Variants in SLC45A4 observed in about 807,000 individuals in gnomAD.
SLC45A4 encodes solute carrier family 45 member 4.
SLC45A4 carries 32 observed loss-of-function variants against 63.7 expected under a neutral mutation model. The ratio of observed to expected loss-of-function variants is 0.50; its 90% confidence interval spans 0.38 to 0.67. SLC45A4 has a LOEUF of 0.67. Among genes scored for constraint, SLC45A4 ranks in the 30% least tolerant of loss-of-function variants. SLC45A4 has a pLI of 0.00. For missense variants in SLC45A4, 1,027 were observed against 1,157.7 expected, an observed-to-expected ratio of 0.89 and a Z score of 1.64; for synonymous variants, 535 against 510.0, an observed-to-expected ratio of 1.05 and a Z score of -0.66.
rs1196248260 is a variant in SLC45A4 at position 141,218,375 on chromosome 8, T to A, written c.1265A>T (p.Gln422Leu). Residue 422 changes from glutamine (Q) to leucine (L), a missense_variant, in exon 5 of 9, where the codon CAG becomes CTG. Physicochemically the swap from Gln to Leu is moderately radical, Grantham distance 113 (BLOSUM62 -2). Coordinates refer to ENST00000517878, the MANE Select transcript of SLC45A4 (RefSeq NM_001286646.2). Reference protein sequence around the residue: ...MRRRRHAFRRQASSTFSYYGK... With the variant: ...MRRRRHAFRRLASSTFSYYGK... ...GTAGTAGGAGAAGGTGCTGGAGGCC[T>A]GCCTGCGGAACGCGTGCCGCCGCCG... The A allele has an allele frequency of 6.2e-7, 1 of 1,608,286 alleles. No individual in the cohort carries two copies. The highest frequency in any genetic ancestry group is 2.2e-5 in the East Asian group (1 of 44,858).
intron 2 of SLC45A4, among the ~76,000 whole-genome samples, chr8:141,241,461 G>A (rs1827911989): frequency 6.6e-6 from 1 of 152,214 alleles, no homozygotes; most frequent in African/African-American, 2.4e-5. Context: ...CTCGCTGTCT[G>A]CCCTATGGTA....
intron 2 of SLC45A4, among the ~76,000 whole-genome samples, chr8:141,248,900 C>T (rs996715538): frequency 4.6e-5 from 7 of 151,704 alleles, no homozygotes; most frequent in Non-Finnish European, 7.4e-5. Flanking sequence ...ACCTGTAGTC[C>T]CAGCTACCTG....
chr8:141,245,638 C>T lies in SLC45A4; in HGVS notation c.241+8351G>A, dbSNP rs143044568. ...TGATGGCAGACAACTCCCAACCTGC[C>T]GCTCAGAGGAGGCTGGACTCTTAGA... On this transcript the variant is annotated intron_variant, in intron 2 of 8. Transcript: ENST00000517878. Among the ~76,000 whole-genome samples, 10 of 152,262 alleles carry T rather than the reference C, an allele frequency of 6.6e-5. No individual in the cohort carries two copies. In the East Asian group the frequency reaches 1.4e-3, roughly 21 times the overall value.
At chr8:141,231,481 C>CT (rs1827346452) in intron 2 of SLC45A4, among the ~76,000 whole-genome samples, 1 of 152,236 alleles carries the variant, frequency 6.6e-6, no homozygotes, top group Non-Finnish European at 1.5e-5. Context: ...GAAGAGGGCA[C>CT]ATTAGGAGGG....
intron 2 of SLC45A4, chr8:141,224,254 T>C (rs1264277298): frequency 6.6e-6 from 1 of 152,202 alleles, no homozygotes; most frequent in Non-Finnish European, 1.5e-5. Context: ...GATCCTTTTT[T>C]CTCTGGCTGC....
intron 2 of SLC45A4, among the ~76,000 whole-genome samples, chr8:141,242,478 C>T (rs983165243): frequency 5.9e-5 from 9 of 152,136 alleles, no homozygotes; most frequent in African/African-American, 1.9e-4. Context: ...TGATTAGAAA[C>T]GCGGGCTCCA....
intron 1 of SLC45A4, among the ~76,000 whole-genome samples, chr8:141,271,823 C>T (rs1001837008): frequency 1.3e-5 from 2 of 151,402 alleles, no homozygotes; most frequent in South Asian, 2.1e-4. Flanking sequence ...ACACACACCA[C>T]GTGTGCATGC....
In SLC45A4 at chr8:141,276,942, C is replaced by T. The variant is rs151079891; in HGVS notation, c.-400-22313G>A. 3.8e-3 allele frequency among the ~76,000 whole-genome samples: 578 copies of T among 152,320 alleles called. 8 individuals carry two copies. Among genetic ancestry groups the T allele is most frequent in the African/African-American group, 0.013 (552 of 41,576 alleles). Reference sequence around the variant, plus strand: ...CTCATTAATTCCTAGGTGCTGACGTCCCCCCGGCCTAAGCACTGCCCTCCA... The same window carrying T: ...CTCATTAATTCCTAGGTGCTGACGTTCCCCCGGCCTAAGCACTGCCCTCCA... On this transcript the variant is annotated intron_variant, in intron 1 of 8. Coordinates refer to ENST00000517878, the MANE Select transcript of SLC45A4 (RefSeq NM_001286646.2).
Position 141,218,222 on chromosome 8 carries a change from T to C in SLC45A4, c.1418A>G (p.Gln473Arg). 1.2e-6 allele frequency: 2 copies of C among 1,602,252 alleles called. No individual in the cohort carries two copies. Among genetic ancestry groups the C allele is most frequent in the South Asian group, 2.2e-5 (2 of 91,054 alleles). Residue 473 changes from glutamine (Q) to arginine (R), a missense_variant, in exon 5 of 9, where the codon CAG (glutamine) becomes CGG (arginine). Coordinates refer to ENST00000517878, the MANE Select transcript of SLC45A4 (RefSeq NM_001286646.2). ...KRQRQHRHRN[Q>R]SGATTSSGDT... is the part of the protein sequence containing the mutation. The stretch of plus-strand genomic sequence containing the variant: ...CCCGCTGGAGGTGGTGGCCCCGCTC[T>C]GGTTCCGGTGCCGGTGCTGCCGCTG...
chr8:141,244,609 T>G (rs1828077787), intron 2 of SLC45A4, among the ~76,000 whole-genome samples: 1 of 152,010 alleles, frequency 6.6e-6, no homozygotes, highest in Non-Finnish European at 1.5e-5. Context: ...TGGAGTGCGT[T>G]GAGTGGGAGC....
intron 1 of SLC45A4, among the ~76,000 whole-genome samples, chr8:141,266,849 C>A (rs879504671): frequency 1.3e-5 from 2 of 152,182 alleles, no homozygotes; most frequent in Non-Finnish European, 2.9e-5. Flanking sequence ...CAAGAGGGCC[C>A]AGATGTTGAA....
chr8:141,303,905 A>G (rs1025143662), intron 1 of SLC45A4, among the ~76,000 whole-genome samples: 5 of 152,208 alleles, frequency 3.3e-5, no homozygotes, highest in African/African-American at 9.7e-5. Context: ...GCCAAGCTCA[A>G]TGACTTGAAA....
chr8:141,238,596 T>C (rs1827744748), intron 2 of SLC45A4, among the ~76,000 whole-genome samples: 1 of 152,148 alleles, frequency 6.6e-6, no homozygotes, highest in Admixed American at 6.5e-5. Flanking sequence ...GCTGTGGCCA[T>C]TCACAGTCTT....
At position 141,211,251 on chromosome 8, in the gene SLC45A4, G is replaced by C; in HGVS notation, c.*321C>G. ...TGAAAGTCAACGTTTCCTTCCCCCT[G>C]ACGTTGGGAGCGGTCTGGAGGGGCA... On this transcript the variant is annotated 3_prime_UTR_variant, in exon 9 of 9. Coordinates refer to ENST00000517878, the MANE Select transcript of SLC45A4 (RefSeq NM_001286646.2). 1 of 464,820 alleles carries C rather than the reference G, an allele frequency of 2.2e-6. No homozygotes were observed. Among genetic ancestry groups the C allele is most frequent in the Non-Finnish European group, 3.8e-6 (1 of 266,426 alleles). 28.8% of individuals were successfully genotyped at this position (464,820 alleles called of 1,614,324 possible).
chr8:141,267,430 G>A (rs1441884099), intron 1 of SLC45A4, among the ~76,000 whole-genome samples: 2 of 152,260 alleles, frequency 1.3e-5, no homozygotes, highest in African/African-American at 2.4e-5. Context: ...GCCCTGTGCG[G>A]GCAAGAATGT....
chr8:141,234,818 C>T (rs1827537778), intron 2 of SLC45A4, among the ~76,000 whole-genome samples: 1 of 152,186 alleles, frequency 6.6e-6, no homozygotes, highest in South Asian at 2.1e-4. Flanking sequence ...CGCTCTGGCC[C>T]CTCCCCCCAG....
intron 1 of SLC45A4, among the ~76,000 whole-genome samples, chr8:141,297,685 A>G (rs1830609236): frequency 6.6e-6 from 1 of 152,266 alleles, no homozygotes; most frequent in Non-Finnish European, 1.5e-5. Context: ...CATGCCACAC[A>G]CAGCCTGCAC....
At chr8:141,239,721 A>G (rs1299693233) in intron 2 of SLC45A4, among the ~76,000 whole-genome samples, 1 of 152,232 alleles carries the variant, frequency 6.6e-6, no homozygotes, top group Non-Finnish European at 1.5e-5. Flanking sequence ...GGTCAGTTGC[A>G]TAAGACGGCT....
chr8:141,220,536 A>T (rs1213419582), intron 3 of SLC45A4, among the ~76,000 whole-genome samples: 1 of 152,130 alleles, frequency 6.6e-6, no homozygotes, highest in East Asian at 1.9e-4. Flanking sequence ...GCTGAGGCTC[A>T]CCTTGGGTCT....
Sources: gnomAD v4.1 joint callset for allele counts (sites outside exome capture counted in the v4.1 genomes callset) on GRCh38, gnomAD v4.1.1 for gene constraint, MANE v1.5 for transcripts, NCBI Gene and HGNC (gene_info 2026-07-23, HGNC 2026-07-21) for gene names.